Variants in ABCA8 observed in about 807,000 individuals in gnomAD.
ABCA8 encodes the protein ABC-type organic anion transporter ABCA8.
In ABCA8, 177 loss-of-function variants were observed where a neutral mutation model predicts 192.3. That is an observed-to-expected ratio of 0.92 (90% CI 0.81 to 1.04). The LOEUF is 1.04. Among genes scored for constraint, ABCA8 ranks in the 50% least tolerant of loss-of-function variants. The pLI is 0.00. For synonymous variants in ABCA8, 642 were observed against 690.2 expected (o/e 0.93, Z 1.09); for missense variants, 1,915 against 1,904.8 (o/e 1.01, Z -0.10).
chr17:68,927,342 C>T (rs927155149), intron 10 of ABCA8, among the ~76,000 whole-genome samples: 8 of 152,124 alleles, frequency 5.3e-5, no homozygotes, highest in African/African-American at 1.9e-4. Flanking sequence ...CATCTGTGAA[C>T]AAAACGAATC....
At chr17:68,919,581 A>T in intron 13 of ABCA8, 105 bp from the exon 14 acceptor site, 1 of 1,002,418 alleles carries the variant, frequency 1.0e-6, no homozygotes, top group South Asian at 1.8e-5. Flanking sequence ...AGTTTATACA[A>T]TTCAGGCATT....
In ABCA8 at chr17:68,887,043, C is replaced by T. The variant is rs748827642; in HGVS notation, c.3403G>A (p.Gly1135Ser). ...FIFRKGRKNSGIWSFCFYVVT... is the reference protein window; with the variant it reads ...FIFRKGRKNSSIWSFCFYVVT... ...ACATAGAAACAAAATGACCAAATGC[C>T]ACTATTTTTTCTCCCCTTGCGAAAG... The change falls in exon 26 of 40, where the codon GGC becomes AGC. Residue 1135 changes from glycine to serine, a missense_variant. Physicochemically the swap from Gly to Ser is moderately conservative, Grantham distance 56. Coordinates refer to ENST00000586539, the MANE Select transcript of ABCA8 (RefSeq NM_001288985.2). The T allele has an allele frequency of 6.2e-7, 1 of 1,610,692 alleles. No individual in the cohort carries two copies. Among genetic ancestry groups the T allele is most frequent in the South Asian group, 1.1e-5 (1 of 90,966 alleles).
chr17:68,902,885 C>G lies in ABCA8; in HGVS notation c.2598-6G>C, dbSNP rs756269422. 6.2e-7 allele frequency: 1 copy of G among 1,603,834 alleles called. No individual in the cohort carries two copies. Among genetic ancestry groups the G allele is most frequent in the South Asian group, 1.1e-5 (1 of 89,532 alleles). On this transcript the variant is annotated splice_region_variant and splice_polypyrimidine_tract_variant and intron_variant, in intron 20 of 39. Coordinates refer to ENST00000586539, the MANE Select transcript of ABCA8 (RefSeq NM_001288985.2). ...CAGCCATTAGAATTAATAGCCTACA[C>G]AAAAGAAAATTGCCAAAATGAATGC...
At chr17:68,874,917 A>G (rs1357025746) in intron 37 of ABCA8, among the ~76,000 whole-genome samples, 3 of 152,166 alleles carry the variant, frequency 2.0e-5, no homozygotes, top group Non-Finnish European at 4.4e-5. Context: ...GCCAATTTCC[A>G]CTTCATAAAG....
At chr17:68,899,926 G>A (rs751362606) in intron 21 of ABCA8, among the ~76,000 whole-genome samples, 32 of 152,190 alleles carry the variant, frequency 2.1e-4, no homozygotes, top group Admixed American at 3.9e-4. Context: ...ATGATATACC[G>A]AAACTTATGC....
chr17:68,895,402 A>G (rs4968970), intron 21 of ABCA8, among the ~76,000 whole-genome samples: 64,016 of 152,038 alleles, frequency 0.42, 14,077 homozygotes, highest in East Asian at 0.56. Flanking sequence ...GGAAGACAAC[A>G]TGTAGACTAG....
intron 1 of ABCA8, among the ~76,000 whole-genome samples, chr17:68,952,343 C>T (rs113934546): frequency 1.3e-5 from 2 of 152,030 alleles, no homozygotes; most frequent in Admixed American, 1.3e-4. Flanking sequence ...CTCAGCCTCC[C>T]GAGTAGCTGG....
chr17:68,940,087 T>C (rs2068182634), intron 4 of ABCA8, among the ~76,000 whole-genome samples: 1 of 152,162 alleles, frequency 6.6e-6, no homozygotes, highest in African/African-American at 2.4e-5. Context: ...GCATCTCCTC[T>C]AATTTCAGAG....
At chr17:68,954,506 A>C (rs557471832) in intron 1 of ABCA8, among the ~76,000 whole-genome samples, 42 of 152,302 alleles carry the variant, frequency 2.8e-4, no homozygotes, top group African/African-American at 9.9e-4. Flanking sequence ...ACATATGGCA[A>C]ATAGTCTCAA....
In ABCA8 at chr17:68,919,421, G is replaced by C; in HGVS notation, c.1668C>G (p.Leu556=). The C allele has an allele frequency of 6.2e-7, 1 of 1,614,012 alleles. No homozygotes were observed. The highest frequency in any genetic ancestry group is 8.5e-7 in the Non-Finnish European group (1 of 1,179,960). ...GTGGACAAACTCCGGTCAGCTTGCT[G>C]AGATTTTCTAGGTCAGCCATTTCTG... ...KLSEMADLEN[L]SKLTGVCPQS... The change falls in exon 14 of 40, where the codon CTC becomes CTG. Residue 556 remains leucine (L), a synonymous_variant. Transcript: ENST00000586539.
chr17:68,899,068 C>T (rs1320239762), intron 21 of ABCA8, among the ~76,000 whole-genome samples: 1 of 151,810 alleles, frequency 6.6e-6, no homozygotes, highest in Non-Finnish European at 1.5e-5. Context: ...CAAAAACAAT[C>T]ACCAAGAACA....
Position 68,869,692 on chromosome 17 carries a change from C to T in ABCA8, c.4711+8G>A, listed in dbSNP as rs775337148. On this transcript the variant is annotated splice_region_variant and intron_variant, in intron 38 of 39. Coordinates refer to ENST00000586539, the MANE Select transcript of ABCA8 (RefSeq NM_001288985.2). ...TCCAGGGTCGTACTTCAAAGTCATACTTCTTACCCTTCTCTAATTTGAAGA... is the reference window on the plus strand; with the variant it reads ...TCCAGGGTCGTACTTCAAAGTCATATTTCTTACCCTTCTCTAATTTGAAGA... 1.9e-6 allele frequency: 3 copies of T among 1,593,298 alleles called. No individual in the cohort carries two copies. The South Asian group carries it at 3.3e-5, about 18-fold the overall frequency.
chr17:68,875,486 C>T lies in ABCA8; in HGVS notation c.4491-86G>A. 2.5e-6 allele frequency: 4 copies of T among 1,597,578 alleles called. No homozygotes were observed. The South Asian group carries it at 3.4e-5, about 14-fold the overall frequency. On this transcript the variant is annotated intron_variant, in intron 36 of 39. Coordinates refer to ENST00000586539, the MANE Select transcript of ABCA8 (RefSeq NM_001288985.2). Reference sequence around the variant, plus strand: ...AAACTTGATTTGCTGCTAGCATTGTCTCAAGGTCCCTATTGTTAGACCTGG... The same window carrying T: ...AAACTTGATTTGCTGCTAGCATTGTTTCAAGGTCCCTATTGTTAGACCTGG...
chr17:68,883,975 T>C (rs1042541268), intron 28 of ABCA8, 93 bp from the exon 29 acceptor site: 5 of 798,410 alleles, frequency 6.3e-6, no homozygotes, highest in East Asian at 2.9e-5. Flanking sequence ...TCTAAAAAAA[T>C]ACATTCAGTG....
intron 1 of ABCA8, among the ~76,000 whole-genome samples, chr17:68,950,377 T>C (rs1040080211): frequency 1.3e-5 from 2 of 152,174 alleles, no homozygotes; most frequent in Non-Finnish European, 2.9e-5. Context: ...AGAGCCCGCG[T>C]AGCCAAAACA....
chr17:68,954,368 A>G (rs2068655491), intron 1 of ABCA8, among the ~76,000 whole-genome samples: 1 of 152,078 alleles, frequency 6.6e-6, no homozygotes, highest in Non-Finnish European at 1.5e-5. Context: ...GTAGCATGCA[A>G]ACTCCAGTCT....
At chr17:68,885,052 G>A in intron 27 of ABCA8, 144 bp downstream of exon 27, 4 of 1,134,526 alleles carry the variant, frequency 3.5e-6, no homozygotes, top group Non-Finnish European at 3.6e-6. Context: ...TTTTATCTGG[G>A]AGAAAATCAA....
In ABCA8 at chr17:68,885,323, A is replaced by C. The variant is rs199897109; in HGVS notation, c.3430-8T>G. 27 of 1,603,810 alleles carry C rather than the reference A, an allele frequency of 1.7e-5. No individual in the cohort carries two copies. In the East Asian group the frequency reaches 4.3e-4, roughly 25 times the overall value. ...CACAGAGAATACAGTGACCTAAAAG[A>C]AGCAAATATGAAGGTTAATCACTCT... On this transcript the variant is annotated splice_region_variant and splice_polypyrimidine_tract_variant and intron_variant, in intron 26 of 39. Transcript: ENST00000586539.
chr17:68,890,587 C>T (rs2066599796), intron 24 of ABCA8, among the ~76,000 whole-genome samples: 1 of 152,154 alleles, frequency 6.6e-6, no homozygotes, highest in Admixed American at 6.5e-5. Context: ...GGCGCAATCT[C>T]AGCTCACTGC....
Sources: gnomAD v4.1 joint callset for allele counts (sites outside exome capture counted in the v4.1 genomes callset) on GRCh38, gnomAD v4.1.1 for gene constraint, MANE v1.5 for transcripts, NCBI Gene and HGNC (gene_info 2026-07-23, HGNC 2026-07-21) for gene names.